The following DPYSL2 variants were observed in gnomAD, a reference collection of about 807,000 sequenced individuals.
DPYSL2 encodes dihydropyrimidinase-related protein 2.
A neutral mutation model predicts 69.9 loss-of-function variants in DPYSL2; 13 were observed. The observed-to-expected ratio is 0.19, with a 90% CI of 0.12 to 0.30. The LOEUF (loss-of-function observed/expected upper bound fraction) is 0.30. DPYSL2 is among the 10% of genes least tolerant of loss of function. The probability of loss-of-function intolerance (pLI) is 1.00; values close to 1 mark genes in which losing one functional copy is unlikely to be tolerated. For synonymous variants in DPYSL2, 326 were observed against 359.1 expected, an observed-to-expected ratio of 0.91 and a Z score of 1.04; for missense variants, 587 against 918.9, an observed-to-expected ratio of 0.64 and a Z score of 4.67.
At position 26,560,020 on chromosome 8, in the gene DPYSL2, C is replaced by T. The variant is rs1396406204; in HGVS notation, c.355-21949C>T. On this transcript the variant is annotated intron_variant, in intron 1 of 13. Coordinates refer to ENST00000521913, the MANE Select transcript of DPYSL2 (RefSeq NM_001197293.3). This position sits in a 1 kb window ranked among gnomAD's most constrained non-coding sequence, Gnocchi z 4.4. The stretch of plus-strand genomic sequence containing the variant: ...GCTGAAACATTGCACAAAAGTCCTT[C>T]CTCCACTTTCCTTTGCCTCACATCC... 6.6e-6 allele frequency among the ~76,000 whole-genome samples: 1 copy of T among 152,226 alleles called. No homozygotes were observed. The highest frequency in any genetic ancestry group is 2.4e-5 in the African/African-American group (1 of 41,456).
Position 26,514,814 on chromosome 8 carries a change from C to G in DPYSL2, c.354+135C>G, listed in dbSNP as rs373247078. 3 of 804,204 alleles carry G rather than the reference C, an allele frequency of 3.7e-6. No individual in the cohort carries two copies. Among genetic ancestry groups the G allele is most frequent in the East Asian group, 3.4e-5 (1 of 29,436 alleles). 49.8% of individuals were successfully genotyped at this position (804,204 alleles called of 1,614,324 possible). A position where few individuals can be genotyped will look rare whatever the true frequency, so the allele number is the denominator to read the frequency against. Reference sequence around the variant, plus strand: ...CCCGCATCTGCACGCGCACCCCGCCCTACCCGCCCCTTCTCCGCGCAGGGT... The same window carrying G: ...CCCGCATCTGCACGCGCACCCCGCCGTACCCGCCCCTTCTCCGCGCAGGGT... On this transcript the variant is annotated intron_variant, in intron 1 of 13. Coordinates refer to ENST00000521913, the MANE Select transcript of DPYSL2 (RefSeq NM_001197293.3). The surrounding 1 kb of genome is among the most constrained non-coding windows in gnomAD (Gnocchi z 8.4).
chr8:26,530,553 T>C (rs1057161764), intron 1 of DPYSL2, among the ~76,000 whole-genome samples: 1 of 152,190 alleles, frequency 6.6e-6, no homozygotes, highest in Non-Finnish European at 1.5e-5. Context: ...CAATTTCCAA[T>C]AGGACTCTGG....
Position 26,652,188 on chromosome 8 carries a change from G to T in DPYSL2, c.1597-69G>T. The T allele has an allele frequency of 6.9e-7, 1 of 1,453,622 alleles. No individual in the cohort carries two copies. Among genetic ancestry groups the T allele is most frequent in the Non-Finnish European group, 9.2e-7 (1 of 1,082,768 alleles). 90.0% of individuals were successfully genotyped at this position (1,453,622 alleles called of 1,614,324 possible). A position where few individuals can be genotyped will look rare whatever the true frequency, so the allele number is the denominator to read the frequency against. On this transcript the variant is annotated intron_variant, in intron 11 of 13. Transcript: ENST00000521913. This position sits in a 1 kb window ranked among gnomAD's most constrained non-coding sequence, Gnocchi z 6.3. ...TTTGTCTCTGTGGGGTTGGGGCAGT[G>T]GGTGCTGCCGGGTGGATTGAGTCCA...
At chr8:26,566,847 C>G (rs11778554) in intron 1 of DPYSL2, among the ~76,000 whole-genome samples, 15,569 of 152,120 alleles carry the variant, frequency 0.1, 884 homozygotes, top group Non-Finnish European at 0.12. Context: ...CCATTGTGCA[C>G]CCGCCTACCC....
At chr8:26,603,348 T>C (rs559910895) in intron 3 of DPYSL2, among the ~76,000 whole-genome samples, 1 of 152,118 alleles carries the variant, frequency 6.6e-6, no homozygotes, top group Non-Finnish European at 1.5e-5. Context: ...AATTTTTGTA[T>C]TTTTAGTAGA....
chr8:26,582,138 T>C lies in DPYSL2; in HGVS notation c.443+81T>C. 1 of 1,158,722 alleles carries C rather than the reference T, an allele frequency of 8.6e-7. No individual in the cohort carries two copies. Among genetic ancestry groups the C allele is most frequent in the Non-Finnish European group, 1.3e-6 (1 of 786,640 alleles). 71.8% of individuals were successfully genotyped at this position (1,158,722 alleles called of 1,614,324 possible). A position where few individuals can be genotyped will look rare whatever the true frequency, so the allele number is the denominator to read the frequency against. On this transcript the variant is annotated intron_variant, in intron 2 of 13. Transcript: ENST00000521913. The surrounding 1 kb of genome is among the most constrained non-coding windows in gnomAD (Gnocchi z 4.1). ...TATTAGATACCATTCGCATCCAAAG[T>C]ATCAAACTTCAGGAACATCAGAGAG...
chr8:26,592,669 G>T (rs946934755), intron 3 of DPYSL2, among the ~76,000 whole-genome samples: 2 of 150,944 alleles, frequency 1.3e-5, no homozygotes, highest in African/African-American at 4.9e-5. Flanking sequence ...TAGAGATGGG[G>T]TTTCACCATG....
Position 26,642,076 on chromosome 8 carries a change from G to C in DPYSL2, c.1127-1363G>C, listed in dbSNP as rs1426823234. ...TGGGGTGGGAGTTAGCCCTGTGCTGGGGGGAGCTAGTGAGAGATGAATTCA... is the reference window on the plus strand; with the variant it reads ...TGGGGTGGGAGTTAGCCCTGTGCTGCGGGGAGCTAGTGAGAGATGAATTCA... On this transcript the variant is annotated intron_variant, in intron 8 of 13. Transcript: ENST00000521913. This position sits in a 1 kb window ranked among gnomAD's most constrained non-coding sequence, Gnocchi z 5.3. Among the ~76,000 whole-genome samples, 1 of 152,216 alleles carries C rather than the reference G, an allele frequency of 6.6e-6. No individual in the cohort carries two copies. The highest frequency in any genetic ancestry group is 2.1e-4 in the South Asian group (1 of 4,828).
chr8:26,646,767 G>A (rs868128866), intron 10 of DPYSL2, among the ~76,000 whole-genome samples: 1 of 152,046 alleles, frequency 6.6e-6, no homozygotes, highest in African/African-American at 2.4e-5. Context: ...GAGGTGGGAG[G>A]GTTGCTTGAG....
chr8:26,604,722 C>T (rs963417845), intron 3 of DPYSL2, among the ~76,000 whole-genome samples: 2 of 151,806 alleles, frequency 1.3e-5, no homozygotes, highest in East Asian at 3.9e-4. Context: ...GGTGCTATCT[C>T]GGCTCACTGC....
intron 1 of DPYSL2, among the ~76,000 whole-genome samples, chr8:26,551,711 A>G (rs1320634499): frequency 1.3e-5 from 2 of 152,242 alleles, no homozygotes; most frequent in Non-Finnish European, 2.9e-5. Context: ...TTAAAAGAAT[A>G]AAAATCATAC....
chr8:26,603,163 A>T (rs1802031230), intron 3 of DPYSL2, among the ~76,000 whole-genome samples: 1 of 151,720 alleles, frequency 6.6e-6, no homozygotes, highest in South Asian at 2.1e-4. Flanking sequence ...TTCTTTATTT[A>T]TTTGTTTTTA....
chr8:26,633,927 C>G (rs550082257), intron 7 of DPYSL2, among the ~76,000 whole-genome samples: 107 of 152,386 alleles, frequency 7.0e-4, no homozygotes, highest in African/African-American at 2.5e-3. Flanking sequence ...TCCTAGAGCC[C>G]TGTGAGGCTG....
At chr8:26,584,894 C>T (rs1468401677) in intron 3 of DPYSL2, among the ~76,000 whole-genome samples, 1 of 152,148 alleles carries the variant, frequency 6.6e-6, no homozygotes, top group Non-Finnish European at 1.5e-5. Context: ...GCTGGGATTA[C>T]AGGCATGAGC....
rs568012390 is a variant in DPYSL2 at position 26,562,172 on chromosome 8, C to T, written c.355-19797C>T. On this transcript the variant is annotated intron_variant, in intron 1 of 13. Coordinates refer to ENST00000521913, the MANE Select transcript of DPYSL2 (RefSeq NM_001197293.3). The surrounding 1 kb of genome is among the most constrained non-coding windows in gnomAD (Gnocchi z 4.9). ...AGAGGAAGGACACACACTGGTCAGA[C>T]TGCAGGGCTTGATTCCTGGCTCTGC... Among the ~76,000 whole-genome samples the T allele has an allele frequency of 2.6e-3, 396 of 152,298 alleles. 7 individuals are homozygous for T. The highest frequency in any genetic ancestry group is 0.023 in the Admixed American group (352 of 15,300).
chr8:26,577,576 C>G (rs1801381024), intron 1 of DPYSL2, among the ~76,000 whole-genome samples: 1 of 149,622 alleles, frequency 6.7e-6, no homozygotes, highest in Non-Finnish European at 1.5e-5. Context: ...TGCGTGCGGC[C>G]CCGAAGCCCC....
chr8:26,612,295 T>C lies in DPYSL2; in HGVS notation c.629-11848T>C, dbSNP rs566049043. On this transcript the variant is annotated intron_variant, in intron 3 of 13. Transcript: ENST00000521913. ...TTGGAACATAATGTGGCCATCTGTA[T>C]GAAGAACCATAGTTCATCCAGTCAT... is the stretch of plus-strand genomic sequence containing the variant. Among the ~76,000 whole-genome samples, 10 of 152,354 alleles carry C rather than the reference T, an allele frequency of 6.6e-5. No homozygotes were observed. The East Asian group carries it at 1.7e-3, about 26-fold the overall frequency.
intron 1 of DPYSL2, among the ~76,000 whole-genome samples, chr8:26,557,885 C>G (rs1157776927): frequency 6.6e-6 from 1 of 151,828 alleles, no homozygotes; most frequent in African/African-American, 2.4e-5. Context: ...TGTGTAGTGG[C>G]ATCTCATTTC....
intron 1 of DPYSL2, among the ~76,000 whole-genome samples, chr8:26,534,878 C>T (rs1404605165): frequency 6.6e-6 from 1 of 152,124 alleles, no homozygotes; most frequent in East Asian, 1.9e-4. Context: ...AGTAATCTTC[C>T]CACCTCAGCC....
Sources: gnomAD v4.1 joint callset for allele counts (sites outside exome capture counted in the v4.1 genomes callset) on GRCh38, gnomAD v4.1.1 for gene constraint, Gnocchi (gnomAD v3.1) non-coding constraint, MANE v1.5 for transcripts, NCBI Gene and HGNC (gene_info 2026-07-23, HGNC 2026-07-21) for gene names.